Variants in MGMT observed in about 807,000 individuals in gnomAD.
MGMT encodes O-6-methylguanine-DNA methyltransferase.
A neutral mutation model predicts 15.9 loss-of-function variants in MGMT; 14 were observed. The observed-to-expected ratio is 0.88, with a 90% CI of 0.58 to 1.37. The LOEUF (loss-of-function observed/expected upper bound fraction) is 1.37, where lower values mean the gene tolerates loss of function less well. Ranked by LOEUF, MGMT falls within the 40% of genes most tolerant of loss-of-function variation. The pLI is 0.00. For missense variants in MGMT, 282 were observed against 268.1 expected, an observed-to-expected ratio of 1.05 and a Z score of -0.36; for synonymous variants, 130 against 118.2, an observed-to-expected ratio of 1.10 and a Z score of -0.65.
At chr10:129,485,756 C>G (rs1845401845) in intron 1 of MGMT, among the ~76,000 whole-genome samples, 1 of 152,210 alleles carries the variant, frequency 6.6e-6, no homozygotes, top group Non-Finnish European at 1.5e-5. Flanking sequence ...GTTCTTGCTG[C>G]TCTGTCATGG....
At chr10:129,597,535 A>C (rs1037435003) in intron 2 of MGMT, among the ~76,000 whole-genome samples, 1 of 152,212 alleles carries the variant, frequency 6.6e-6, no homozygotes. Context: ...TTTGAGAAGA[A>C]ATATGTATGA....
intron 2 of MGMT, among the ~76,000 whole-genome samples, chr10:129,587,133 TC>T (rs1264892345): frequency 6.6e-6 from 1 of 152,080 alleles, no homozygotes; most frequent in African/African-American, 2.4e-5. Context: ...TGGAGCATTT[TC>T]CCCCCTCCAG....
chr10:129,542,960 C>A (rs1340746958), intron 2 of MGMT, among the ~76,000 whole-genome samples: 1 of 152,136 alleles, frequency 6.6e-6, no homozygotes, highest in Non-Finnish European at 1.5e-5. Flanking sequence ...TATACTTCAC[C>A]CCATGCTAAA....
At chr10:129,737,268 T>A (rs1848574573) in intron 3 of MGMT, among the ~76,000 whole-genome samples, 1 of 152,234 alleles carries the variant, frequency 6.6e-6, no homozygotes, top group Non-Finnish European at 1.5e-5. Flanking sequence ...CTTTTTATTC[T>A]TTTTTCTCTA....
At chr10:129,558,785 A>G (rs1174069674) in intron 2 of MGMT, among the ~76,000 whole-genome samples, 1 of 151,942 alleles carries the variant, frequency 6.6e-6, no homozygotes, top group Non-Finnish European at 1.5e-5. Context: ...GTGAAAATGT[A>G]GTTGCTTTGG....
intron 2 of MGMT, among the ~76,000 whole-genome samples, chr10:129,613,431 C>T (rs1400481516): frequency 6.6e-6 from 1 of 152,154 alleles, no homozygotes; most frequent in Non-Finnish European, 1.5e-5. Flanking sequence ...GTGCCCCTTT[C>T]CTCGAGTTTC....
intron 1 of MGMT, among the ~76,000 whole-genome samples, chr10:129,497,888 G>A (rs1354071878): frequency 1.3e-5 from 2 of 152,180 alleles, no homozygotes; most frequent in Admixed American, 6.5e-5. Flanking sequence ...TATCAGACAC[G>A]GGCTCTGGCG....
intron 2 of MGMT, among the ~76,000 whole-genome samples, chr10:129,571,108 G>A (rs1038392037): frequency 8.5e-5 from 13 of 152,218 alleles, no homozygotes; most frequent in African/African-American, 2.2e-4. Context: ...ACCACACAAA[G>A]TTTCTTCTTG....
chr10:129,600,629 T>C (rs1846809563), intron 2 of MGMT, among the ~76,000 whole-genome samples: 1 of 152,338 alleles, frequency 6.6e-6, no homozygotes. Flanking sequence ...GGATTACTTG[T>C]TTGAAAATTA....
chr10:129,677,820 C>G (rs1310949205), intron 2 of MGMT, among the ~76,000 whole-genome samples: 1 of 152,204 alleles, frequency 6.6e-6, no homozygotes, highest in Non-Finnish European at 1.5e-5. Flanking sequence ...GCCAGCACCA[C>G]CAAGAATCAG....
intron 2 of MGMT, among the ~76,000 whole-genome samples, chr10:129,690,172 A>G (rs1315733898): frequency 1.3e-5 from 2 of 152,252 alleles, no homozygotes; most frequent in Non-Finnish European, 2.9e-5. Flanking sequence ...TCGGTAGTTT[A>G]TATCACATAT....
chr10:129,648,606 A>G (rs894121011), intron 2 of MGMT, among the ~76,000 whole-genome samples: 3 of 152,242 alleles, frequency 2.0e-5, no homozygotes, highest in Non-Finnish European at 4.4e-5. Context: ...TCAGTTTAAC[A>G]TTGATTTCTA....
At chr10:129,651,772 A>G (rs1037691751) in intron 2 of MGMT, among the ~76,000 whole-genome samples, 3 of 152,196 alleles carry the variant, frequency 2.0e-5, no homozygotes, top group Non-Finnish European at 4.4e-5. Context: ...CACCCATCAA[A>G]AGGAAGAACG....
intron 3 of MGMT, among the ~76,000 whole-genome samples, chr10:129,710,726 G>C (rs1293172934): frequency 6.6e-6 from 1 of 152,132 alleles, no homozygotes; most frequent in Non-Finnish European, 1.5e-5. Flanking sequence ...AACAGTGAGG[G>C]GGCAGGTCTT....
intron 1 of MGMT, among the ~76,000 whole-genome samples, chr10:129,510,082 A>G (rs1845665062): frequency 6.6e-6 from 1 of 152,200 alleles, no homozygotes; most frequent in Admixed American, 6.5e-5. Context: ...CCTCTGCCTG[A>G]CAAGTCCTGT....
intron 2 of MGMT, among the ~76,000 whole-genome samples, chr10:129,672,959 G>T (rs981758149): frequency 6.6e-6 from 1 of 152,318 alleles, no homozygotes; most frequent in Non-Finnish European, 1.5e-5. Context: ...GGCACCGGCA[G>T]TGTGGGATCA....
rs561537647 is a variant in MGMT, at chr10:129,577,671, C to A, written c.125+41294C>A. 1.2e-4 allele frequency among the ~76,000 whole-genome samples: 19 copies of A among 152,226 alleles called. No homozygotes were observed. In the East Asian group the frequency reaches 2.3e-3, roughly 19 times the overall value. On this transcript the variant is annotated intron_variant, in intron 2 of 4. Transcript: ENST00000651593. ...ACACCAAAAGCAATGGCAACAAAAG[C>A]CAAAATTGACAAATGGGATCTAATT...
chr10:129,651,207 C>G (rs1035286871), intron 2 of MGMT, among the ~76,000 whole-genome samples: 1 of 152,202 alleles, frequency 6.6e-6, no homozygotes, highest in African/African-American at 2.4e-5. Context: ...AGGCTCCTGC[C>G]CCGTAGCTCA....
At chr10:129,534,629 A>G (rs1171096358) in intron 1 of MGMT, among the ~76,000 whole-genome samples, 3 of 151,952 alleles carry the variant, frequency 2.0e-5, no homozygotes, top group Admixed American at 6.6e-5. Context: ...CCTTAGAAGC[A>G]TATGTAAGAC....
Sources: allele counts gnomAD v4.1 joint callset (sites outside exome capture counted in the v4.1 genomes callset), GRCh38; gene constraint gnomAD v4.1.1; transcripts MANE v1.5; gene names NCBI Gene and HGNC (gene_info 2026-07-23, HGNC 2026-07-21).